Variants in FAT3 observed in about 807,000 individuals in gnomAD.
FAT3 encodes protocadherin Fat 3.
Under a neutral mutation model 310.2 loss-of-function variants are expected in FAT3, and 95 were observed. That is an observed-to-expected ratio of 0.31 (90% CI 0.26 to 0.36). The LOEUF (loss-of-function observed/expected upper bound fraction) is 0.36. Ranked by LOEUF, FAT3 falls within the 10% of genes least tolerant of loss-of-function variation. The pLI is 1.00. For synonymous variants in FAT3, 2,314 were observed against 2,192.9 expected (o/e 1.06, Z -1.54); for missense variants, 5,408 against 5,715.6 (o/e 0.95, Z 1.74).
intron 1 of FAT3, among the ~76,000 whole-genome samples, chr11:92,244,492 G>A (rs1224733255): frequency 6.6e-6 from 1 of 152,112 alleles, no homozygotes; most frequent in African/African-American, 2.4e-5. Flanking sequence ...GAGCTTGCAG[G>A]TAGAAATATC....
intron 2 of FAT3, among the ~76,000 whole-genome samples, chr11:92,462,336 G>A (rs74994450): frequency 0.018 from 2,770 of 152,082 alleles, 83 homozygotes; most frequent in African/African-American, 0.062. Flanking sequence ...CTCCACCCTT[G>A]AGTATGTCCT....
At chr11:92,732,781 T>C (rs998241910) in intron 4 of FAT3, among the ~76,000 whole-genome samples, 2 of 152,228 alleles carry the variant, frequency 1.3e-5, no homozygotes, top group Non-Finnish European at 2.9e-5. Flanking sequence ...ACTTTCCAGA[T>C]ACTAGGTTAA....
At chr11:92,758,049 A>G (rs917335231) in intron 4 of FAT3, among the ~76,000 whole-genome samples, 1 of 152,178 alleles carries the variant, frequency 6.6e-6, no homozygotes, top group Non-Finnish European at 1.5e-5. Context: ...TTGGGAGATT[A>G]TATGTTAATT....
intron 3 of FAT3, among the ~76,000 whole-genome samples, chr11:92,692,172 A>G (rs1206513725): frequency 6.6e-6 from 1 of 152,182 alleles, no homozygotes; most frequent in Non-Finnish European, 1.5e-5. Context: ...AAAAAACAGG[A>G]AAACATTAAA....
intron 3 of FAT3, among the ~76,000 whole-genome samples, chr11:92,653,885 C>G (rs1028394384): frequency 2.6e-5 from 4 of 152,186 alleles, no homozygotes; most frequent in Non-Finnish European, 5.9e-5. Context: ...TCTAGAAAAG[C>G]CATTTCTACA....
At chr11:92,321,582 A>AG (rs1176947577) in intron 1 of FAT3, among the ~76,000 whole-genome samples, 1 of 152,100 alleles carries the variant, frequency 6.6e-6, no homozygotes, top group Non-Finnish European at 1.5e-5. Flanking sequence ...CACTTTCCTG[A>AG]GAAAAAAAGA....
chr11:92,268,013 G>C (rs1192664865), intron 1 of FAT3, among the ~76,000 whole-genome samples: 1 of 145,872 alleles, frequency 6.9e-6, no homozygotes, highest in Non-Finnish European at 1.5e-5. Flanking sequence ...TAGGCTTTTA[G>C]AGTATTAAAG....
chr11:92,647,564 G>C (rs934443814), intron 3 of FAT3, among the ~76,000 whole-genome samples: 18 of 152,244 alleles, frequency 1.2e-4, no homozygotes, highest in African/African-American at 4.3e-4. Context: ...TCTTCATCTA[G>C]GAAACAGATG....
At position 92,689,813 on chromosome 11, in the gene FAT3, A is replaced by G. The variant is rs536900543; in HGVS notation, c.3608-7571A>G. 1.1e-4 allele frequency among the ~76,000 whole-genome samples: 17 copies of G among 152,250 alleles called. No individual in the cohort carries two copies. The South Asian group carries it at 3.5e-3, about 32-fold the overall frequency. ...ACAGGAGAGGATTATACAGAGGAGGAGGACTTTGGAAGTATTGTCTATCAT... is the reference window on the plus strand; with the variant it reads ...ACAGGAGAGGATTATACAGAGGAGGGGGACTTTGGAAGTATTGTCTATCAT... On this transcript the variant is annotated intron_variant, in intron 3 of 27. Transcript: ENST00000525166.
At position 92,402,852 on chromosome 11, in the gene FAT3, A is replaced by AT. The variant is rs528242846; in HGVS notation, c.3292+47448_3292+47449insT. Among the ~76,000 whole-genome samples, 674 of 152,164 alleles carry AT rather than the reference A, an allele frequency of 4.4e-3. 3 individuals are homozygous for AT. Among genetic ancestry groups the AT allele is most frequent in the African/African-American group, 0.016 (658 of 41,562 alleles). On this transcript the variant is annotated intron_variant, in intron 2 of 27. Transcript: ENST00000525166. ...GAATAAGTATCAAAAACCAAAAAAA[A>AT]AAAAGGCCAGCACCAAAAACCCCAT...
At chr11:92,505,909 G>C (rs1240121705) in intron 2 of FAT3, among the ~76,000 whole-genome samples, 1 of 152,108 alleles carries the variant, frequency 6.6e-6, no homozygotes, top group Non-Finnish European at 1.5e-5. Context: ...AGTAAGACAG[G>C]AAGGATCCTC....
intron 3 of FAT3, among the ~76,000 whole-genome samples, chr11:92,553,675 C>T (rs2398254): frequency 5.5e-4 from 60 of 108,346 alleles, no homozygotes; most frequent in African/African-American, 1.6e-3. Context: ...GAATCTCCGT[C>T]CCTTCCTTCC....
chr11:92,733,162 G>A (rs183078753), intron 4 of FAT3, among the ~76,000 whole-genome samples: 6 of 152,274 alleles, frequency 3.9e-5, no homozygotes, highest in Admixed American at 6.5e-5. Flanking sequence ...AGAAGGCTAC[G>A]TATGCCTTGT....
intron 2 of FAT3, among the ~76,000 whole-genome samples, chr11:92,437,516 A>T (rs1267956405): frequency 6.6e-6 from 1 of 152,224 alleles, no homozygotes. Context: ...AAACAAAATG[A>T]GGTTGCCAGT....
chr11:92,757,446 G>C (rs1453622840), intron 4 of FAT3, among the ~76,000 whole-genome samples: 2 of 152,162 alleles, frequency 1.3e-5, no homozygotes, highest in African/African-American at 4.8e-5. Flanking sequence ...AATAAGAAAT[G>C]ATGCAGAAGA....
At position 92,801,785 on chromosome 11, in the gene FAT3, C is replaced by T. The variant is rs776364048; in HGVS notation, c.8772C>T (p.Phe2924=). The change falls in exon 10 of 28, where the codon TTC becomes TTT. Residue 2924 remains phenylalanine, a synonymous_variant. Coordinates refer to ENST00000525166, the MANE Select transcript of FAT3 (RefSeq NM_001367949.2). ...ATATAAATGACAATGCACCAGTCTT[C>T]GCGCAGGAAGTGTACCGAGGGAATG... is the stretch of plus-strand genomic sequence containing the variant. ...VTDINDNAPV[F]AQEVYRGNVK... 20 of 1,613,930 alleles carry T rather than the reference C, an allele frequency of 1.2e-5. No homozygotes were observed. The East Asian group carries it at 3.3e-4, about 27-fold the overall frequency.
intron 2 of FAT3, among the ~76,000 whole-genome samples, chr11:92,485,066 A>G (rs1032428665): frequency 2.0e-5 from 3 of 152,222 alleles, no homozygotes; most frequent in Non-Finnish European, 4.4e-5. Context: ...ATGTGTGGGA[A>G]CCTCTAAGGA....
chr11:92,342,832 C>T (rs1456921231), intron 1 of FAT3, among the ~76,000 whole-genome samples: 1 of 152,210 alleles, frequency 6.6e-6, no homozygotes, highest in African/African-American at 2.4e-5. Flanking sequence ...ATTTTTCTGG[C>T]ACATTTTTTC....
intron 1 of FAT3, among the ~76,000 whole-genome samples, chr11:92,305,026 C>A (rs7940479): frequency 0.011 from 1,640 of 152,144 alleles, 36 homozygotes; most frequent in African/African-American, 0.037. Context: ...CAAAAGTCAC[C>A]CATTTGCTTC....
Sources: gnomAD v4.1 joint callset for allele counts (sites outside exome capture counted in the v4.1 genomes callset) on GRCh38, gnomAD v4.1.1 for gene constraint, MANE v1.5 for transcripts, NCBI Gene and HGNC (gene_info 2026-07-23, HGNC 2026-07-21) for gene names.